SLCO3A1: variants seen among roughly 807,000 people sequenced by gnomAD.
SLCO3A1 encodes the protein solute carrier organic anion transporter family member 3A1.
SLCO3A1 carries 27 observed loss-of-function variants against 63.1 expected under a neutral mutation model. That is an observed-to-expected ratio of 0.43 (90% confidence interval 0.32 to 0.59). The LOEUF is 0.59. Ranked by LOEUF, SLCO3A1 falls within the 20% of genes least tolerant of loss-of-function variation. SLCO3A1 has a pLI of 0.09. For missense variants in SLCO3A1, 773 were observed against 945.8 expected (o/e 0.82, Z 2.40); for synonymous variants, 473 against 409.9 (o/e 1.15, Z -1.86).
intron 2 of SLCO3A1, among the ~76,000 whole-genome samples, chr15:92,027,419 T>G (rs1488629569): frequency 5.3e-5 from 8 of 152,216 alleles, no homozygotes; most frequent in Non-Finnish European, 1.0e-4. Context: ...GAAGGTACCG[T>G]CATCGTTTTT....
At chr15:92,159,681 C>A (rs900206887) in intron 9 of SLCO3A1, among the ~76,000 whole-genome samples, 1 of 151,054 alleles carries the variant, frequency 6.6e-6, no homozygotes, top group East Asian at 2.0e-4. Flanking sequence ...ATCCTCCCAT[C>A]GGCCTCCTGA....
chr15:92,080,400 T>G lies in SLCO3A1; in HGVS notation c.647-14481T>G, dbSNP rs1321305641. Among the ~76,000 whole-genome samples the G allele has an allele frequency of 2.0e-5, 3 of 152,200 alleles. No homozygotes were observed. The East Asian group carries it at 5.8e-4, about 29-fold the overall frequency. On this transcript the variant is annotated intron_variant, in intron 2 of 9. Coordinates refer to ENST00000318445, the MANE Select transcript of SLCO3A1 (RefSeq NM_013272.4). ...AGCCCAATACATGGAGTTTTTTTTT[T>G]TTTTTCCTCCAGTCCAACTAGAAGC...
chr15:91,943,917 G>A (rs1223713241), intron 2 of SLCO3A1, among the ~76,000 whole-genome samples: 2 of 152,092 alleles, frequency 1.3e-5, no homozygotes, highest in Non-Finnish European at 2.9e-5. Flanking sequence ...CTCCCATGTT[G>A]CTTGTCTTGG....
At chr15:92,135,279 C>T (rs1043357874) in intron 7 of SLCO3A1, among the ~76,000 whole-genome samples, 3 of 152,166 alleles carry the variant, frequency 2.0e-5, no homozygotes, top group Non-Finnish European at 4.4e-5. Context: ...CAGAGTGAGC[C>T]TTTCTGCTCC....
At chr15:92,046,461 C>T (rs1160899741) in intron 2 of SLCO3A1, among the ~76,000 whole-genome samples, 2 of 152,104 alleles carry the variant, frequency 1.3e-5, no homozygotes, top group South Asian at 2.1e-4. Flanking sequence ...ACCCAGGAGG[C>T]GGAGGTTGCA....
chr15:92,066,175 G>C (rs765702389), intron 2 of SLCO3A1, among the ~76,000 whole-genome samples: 12 of 152,222 alleles, frequency 7.9e-5, no homozygotes, highest in Non-Finnish European at 1.6e-4. Flanking sequence ...CCCTCTTGAA[G>C]GAAGGGGAAG....
downstream of SLCO3A1, among the ~76,000 whole-genome samples, chr15:92,169,124 T>G (rs1198677185): frequency 6.6e-6 from 1 of 152,236 alleles, no homozygotes; most frequent in Non-Finnish European, 1.5e-5. Flanking sequence ...GCTGAGCTTA[T>G]TTCATGTATT....
Position 91,920,193 on chromosome 15 carries a change from G to C in SLCO3A1, c.646+3735G>C, listed in dbSNP as rs779642934. 2.0e-4 allele frequency among the ~76,000 whole-genome samples: 30 copies of C among 152,198 alleles called. 1 individual carries two copies. Among genetic ancestry groups the C allele is most frequent in the Non-Finnish European group, 8.8e-5 (6 of 68,034 alleles). ...GTAACTTACCCAAGCTCATTTACCT[G>C]GATAGGGCTGGGCTGTGGGTCTGAA... On this transcript the variant is annotated intron_variant, in intron 2 of 9. Transcript: ENST00000318445.
intron 4 of SLCO3A1, among the ~76,000 whole-genome samples, chr15:92,106,346 C>T (rs910210694): frequency 8.5e-5 from 13 of 152,150 alleles, no homozygotes; most frequent in African/African-American, 3.1e-4. Flanking sequence ...TCCTCATGCA[C>T]GTGTGCTTAA....
Position 91,882,973 on chromosome 15 carries a change from G to A in SLCO3A1, c.180+28885G>A, listed in dbSNP as rs1326469405. 6.6e-6 allele frequency among the ~76,000 whole-genome samples: 1 copy of A among 152,180 alleles called. No individual in the cohort carries two copies. Among genetic ancestry groups the A allele is most frequent in the East Asian group, 1.9e-4 (1 of 5,196 alleles). On this transcript the variant is annotated intron_variant, in intron 1 of 9. Transcript: ENST00000318445. This position sits in a 1 kb window ranked among gnomAD's most constrained non-coding sequence, Gnocchi z 4.4. ...AAGTTGGTTGGGCTGCTCTATTAATGCCCAGTGAGTAAGGGAATGACAGAT... is the reference window on the plus strand; with the variant it reads ...AAGTTGGTTGGGCTGCTCTATTAATACCCAGTGAGTAAGGGAATGACAGAT...
At chr15:92,030,381 A>G (rs71411125) in intron 2 of SLCO3A1, among the ~76,000 whole-genome samples, 21,587 of 152,156 alleles carry the variant, frequency 0.14, 1,906 homozygotes, top group Admixed American at 0.29. Context: ...TTCTGGCAGA[A>G]GCTCTGCAGT....
At chr15:91,925,059 T>G (rs1422811405) in intron 2 of SLCO3A1, among the ~76,000 whole-genome samples, 1 of 152,222 alleles carries the variant, frequency 6.6e-6, no homozygotes, top group Non-Finnish European at 1.5e-5. Flanking sequence ...TAGTTACTTC[T>G]TTACTCCGGC....
chr15:92,097,524 G>A (rs574753888), intron 3 of SLCO3A1, among the ~76,000 whole-genome samples: 2 of 152,196 alleles, frequency 1.3e-5, no homozygotes, highest in Admixed American at 6.5e-5. Context: ...TAAGGCCCAG[G>A]GTGGAGCGGT....
In SLCO3A1 at chr15:91,995,785, A is replaced by T. The variant is rs1021350167; in HGVS notation, c.646+79327A>T. On this transcript the variant is annotated intron_variant, in intron 2 of 9. Transcript: ENST00000318445. ...ATGTCTGTATACACAAGATGGAAAA[A>T]AAAAAGTTCATAAAGTATAATATGA... Among the ~76,000 whole-genome samples the T allele has an allele frequency of 1.1e-3, 172 of 152,108 alleles. 4 individuals are homozygous for T. Among genetic ancestry groups the T allele is most frequent in the Admixed American group, 1.4e-3 (21 of 15,274 alleles).
At chr15:92,061,862 G>C (rs2047090159) in intron 2 of SLCO3A1, among the ~76,000 whole-genome samples, 1 of 152,234 alleles carries the variant, frequency 6.6e-6, no homozygotes, top group Non-Finnish European at 1.5e-5. Context: ...CCTCCCCTTT[G>C]GGAGCCACAA....
rs1411724049 is a variant in SLCO3A1 at position 91,897,261 on chromosome 15, A to G, written c.181-18732A>G. Reference sequence around the variant, plus strand: ...GGAGTTCAAGACCAGCCTGGCCAACATGGTGGCCAGTTTAGTAGAGATGGG... The same window carrying G: ...GGAGTTCAAGACCAGCCTGGCCAACGTGGTGGCCAGTTTAGTAGAGATGGG... On this transcript the variant is annotated intron_variant, in intron 1 of 9. Transcript: ENST00000318445. This position sits in a 1 kb window ranked among gnomAD's most constrained non-coding sequence, Gnocchi z 4.7. Among the ~76,000 whole-genome samples, 3 of 152,092 alleles carry G rather than the reference A, an allele frequency of 2.0e-5. No homozygotes were observed. Among genetic ancestry groups the G allele is most frequent in the Non-Finnish European group, 4.4e-5 (3 of 68,008 alleles).
intron 2 of SLCO3A1, among the ~76,000 whole-genome samples, chr15:91,989,686 T>C (rs2046102045): frequency 6.6e-6 from 1 of 152,228 alleles, no homozygotes; most frequent in Admixed American, 6.5e-5. Context: ...CTTAGATTAA[T>C]CATTTCGTGG....
chr15:92,111,198 T>C (rs1596110759), intron 4 of SLCO3A1, among the ~76,000 whole-genome samples: 1 of 152,086 alleles, frequency 6.6e-6, no homozygotes, highest in East Asian at 1.9e-4. Flanking sequence ...CTCATGCCTC[T>C]CCATAGCTCA....
At chr15:92,064,550 T>C (rs1044056424) in intron 2 of SLCO3A1, among the ~76,000 whole-genome samples, 2 of 152,236 alleles carry the variant, frequency 1.3e-5, no homozygotes, top group African/African-American at 4.8e-5. Context: ...CCCCAGTGTT[T>C]TCTTCTAGTA....
Sources: gnomAD v4.1 joint callset for allele counts (sites outside exome capture counted in the v4.1 genomes callset) on GRCh38, gnomAD v4.1.1 for gene constraint, Gnocchi (gnomAD v3.1) non-coding constraint, MANE v1.5 for transcripts, NCBI Gene and HGNC (gene_info 2026-07-23, HGNC 2026-07-21) for gene names.